RFC1: variants seen among roughly 807,000 people sequenced by gnomAD.
The protein encoded by RFC1 is replication factor C subunit 1.
In RFC1, 37 loss-of-function variants were observed where a neutral mutation model predicts 137.4. The observed-to-expected ratio is 0.27, with a 90% CI of 0.21 to 0.35. The LOEUF is 0.35. Ranked by LOEUF, RFC1 falls within the 10% of genes least tolerant of loss-of-function variation. The pLI is 1.00. For missense variants in RFC1, 1,205 were observed against 1,358.5 expected (o/e 0.89, Z 1.78); for synonymous variants, 429 against 455.7 (o/e 0.94, Z 0.75).
chr4:39,359,694 C>A (rs558642286), intron 1 of RFC1, among the ~76,000 whole-genome samples: 147 of 151,926 alleles, frequency 9.7e-4, no homozygotes, highest in African/African-American at 3.4e-3. Context: ...TGGTGGCGGG[C>A]GCCTGTAGTC....
chr4:39,299,444 G>A (rs540607907), intron 21 of RFC1, among the ~76,000 whole-genome samples: 7 of 151,556 alleles, frequency 4.6e-5, no homozygotes, highest in African/African-American at 7.3e-5. Context: ...AAACCCTGTC[G>A]CTACTAAAAA....
intron 24 of RFC1, 71 bp downstream of exon 24, chr4:39,289,777 G>C: frequency 9.9e-7 from 1 of 1,005,358 alleles, no homozygotes; most frequent in Admixed American, 1.7e-5. Flanking sequence ...TGCTGAAAAG[G>C]CCCTATTATT....
At chr4:39,322,085 A>T (rs1739546926) in intron 7 of RFC1, among the ~76,000 whole-genome samples, 5 of 152,154 alleles carry the variant, frequency 3.3e-5, no homozygotes, top group Admixed American at 3.3e-4. Context: ...AAATAAAGCT[A>T]ATCTCCTGGA....
chr4:39,290,373 A>T (rs1737604260), intron 23 of RFC1, among the ~76,000 whole-genome samples: 1 of 38,522 alleles, frequency 2.6e-5, no homozygotes, highest in Admixed American at 1.8e-4. Context: ...ATTCTGTCTA[A>T]AAAAAAAAAA....
intron 1 of RFC1, among the ~76,000 whole-genome samples, chr4:39,357,001 T>G (rs1210575462): frequency 1.3e-5 from 2 of 152,330 alleles, no homozygotes; most frequent in Non-Finnish European, 1.5e-5. Context: ...CAAGAAATAT[T>G]TACTCAGAGC....
In RFC1 at chr4:39,291,907, A is replaced by G. The variant is rs945979744; in HGVS notation, c.2955-55T>C. 1.0e-4 allele frequency: 128 copies of G among 1,222,202 alleles called. 1 individual carries two copies. Among genetic ancestry groups the G allele is most frequent in the Non-Finnish European group, 1.4e-4 (118 of 824,050 alleles). 75.7% of individuals were successfully genotyped at this position (1,222,202 alleles called of 1,614,324 possible). On this transcript the variant is annotated intron_variant, in intron 22 of 24. Transcript: ENST00000349703. ...ACAGCAAAGTATCAACTCAAGTCATACTGTGCATAACAGCACTGAGTTAAT... is the reference window on the plus strand; with the variant it reads ...ACAGCAAAGTATCAACTCAAGTCATGCTGTGCATAACAGCACTGAGTTAAT...
intron 14 of RFC1, among the ~76,000 whole-genome samples, chr4:39,305,563 G>A (rs771790548): frequency 1.4e-4 from 21 of 152,164 alleles, no homozygotes; most frequent in Admixed American, 2.0e-4. Context: ...AACCGAGACC[G>A]TGCCATTACA....
chr4:39,321,209 G>A, intron 8 of RFC1, 78 bp downstream of exon 8: 1 of 1,078,432 alleles, frequency 9.3e-7, no homozygotes, highest in African/African-American at 1.6e-5. Context: ...TTACTGAATA[G>A]GATACTTAAA....
chr4:39,301,523 G>A (rs1738360876), intron 19 of RFC1, among the ~76,000 whole-genome samples: 1 of 152,194 alleles, frequency 6.6e-6, no homozygotes, highest in African/African-American at 2.4e-5. Flanking sequence ...GAGGCTGTGC[G>A]TGTGAGGGGG....
chr4:39,308,883 T>C lies in RFC1; in HGVS notation c.1638A>G (p.Thr546=). 6.2e-7 allele frequency: 1 copy of C among 1,614,210 alleles called. No individual in the cohort carries two copies. Residue 546 remains threonine, a synonymous_variant, in exon 13 of 25, where the codon ACA becomes ACG. Coordinates refer to ENST00000349703, the MANE Select transcript of RFC1 (RefSeq NM_002913.5). ...AATCCAGGCTTTTCCAAAACACATC[T>C]GTTTCCTTTTTTATTGTCTTTGCCA... ...DSLAKTIKKE[T]DVFWKSLDFK...
chr4:39,351,165 G>A (rs1741170182), intron 2 of RFC1, among the ~76,000 whole-genome samples, 183 bp downstream of exon 2: 1 of 146,880 alleles, frequency 6.8e-6, no homozygotes, highest in Non-Finnish European at 1.5e-5. Flanking sequence ...GCAGGAGAAT[G>A]GCATGAACCC....
intron 1 of RFC1, chr4:39,356,020 A>C: frequency 6.7e-6 from 1 of 149,200 alleles, no homozygotes; most frequent in Non-Finnish European, 1.5e-5. Context: ...AAAAAAAAAC[A>C]CTGGTATAAC....
Position 39,302,835 on chromosome 4 carries a change from T to C in RFC1, c.2242A>G (p.Ile748Val), listed in dbSNP as rs1237165224. 2 of 1,591,836 alleles carry C rather than the reference T, an allele frequency of 1.3e-6. No homozygotes were observed. The highest frequency in any genetic ancestry group is 2.2e-5 in the East Asian group (1 of 44,766). ...TGATTTCTATCATTGCACATACAAATAATGGGAATTTTAGTATGTTTTATC... is the reference window on the plus strand; with the variant it reads ...TGATTTCTATCATTGCACATACAAACAATGGGAATTTTAGTATGTTTTATC... ...GLIKHTKIPI[I>V]CMCNDRNHPK... Residue 748 changes from isoleucine to valine, a missense_variant, in exon 17 of 25, where the codon ATT (isoleucine) becomes GTT (valine). Coordinates refer to ENST00000349703, the MANE Select transcript of RFC1 (RefSeq NM_002913.5).
intron 10 of RFC1, among the ~76,000 whole-genome samples, chr4:39,314,941 G>A (rs1049735257): frequency 1.3e-5 from 2 of 151,746 alleles, no homozygotes; most frequent in East Asian, 1.9e-4. Context: ...TTAGCAAAAC[G>A]CATGCTTTAA....
chr4:39,301,789 T>C (rs1251203371), intron 19 of RFC1, among the ~76,000 whole-genome samples: 1 of 152,156 alleles, frequency 6.6e-6, no homozygotes, highest in African/African-American at 2.4e-5. Context: ...CTACCAAAAA[T>C]TTTGAAAATT....
chr4:39,364,912 A>C (rs1190544101), intron 1 of RFC1, among the ~76,000 whole-genome samples: 1 of 152,118 alleles, frequency 6.6e-6, no homozygotes, highest in Admixed American at 6.5e-5. Flanking sequence ...ATAAACCATT[A>C]AACTAAAATA....
chr4:39,363,769 G>A (rs1197296155), intron 1 of RFC1, among the ~76,000 whole-genome samples: 1 of 151,920 alleles, frequency 6.6e-6, no homozygotes, highest in Non-Finnish European at 1.5e-5. Flanking sequence ...GCACACACCT[G>A]TATTCCCAGC....
At position 39,311,524 on chromosome 4, in the gene RFC1, A is replaced by G. The variant is rs1738960956; in HGVS notation, c.1409T>C (p.Ile470Thr). 3.1e-6 allele frequency: 5 copies of G among 1,614,110 alleles called. No homozygotes were observed. Among genetic ancestry groups the G allele is most frequent in the South Asian group, 2.2e-5 (2 of 91,078 alleles). ...CAGATTCAACAGGCCATCTTCATCA[A>G]TAATTTTTGTCCCCAAGGCTGCGGC... ...DKAAALGTKIIDEDGLLNLIR... is the reference protein window; with the variant it reads ...DKAAALGTKITDEDGLLNLIR... Residue 470 changes from isoleucine (I) to threonine (T), a missense_variant, in exon 12 of 25, where the codon ATT becomes ACT. This residue lies in a region of RFC1 where 962 missense variants were observed against 1,035.3 expected (regional missense o/e 0.93). Transcript: ENST00000349703.
chr4:39,342,344 C>G lies in RFC1; in HGVS notation c.331+1G>C. ...TCTCATATACCACAATGCAACCTTA[C>G]CTGTTTCTGAAATGTATGTAACAGG... On this transcript the variant is annotated splice_donor_variant, in intron 4 of 24. Coordinates refer to ENST00000349703, the MANE Select transcript of RFC1 (RefSeq NM_002913.5). LOFTEE classifies it high-confidence loss of function. The G allele has an allele frequency of 6.2e-7, 1 of 1,611,636 alleles. No homozygotes were observed.
Sources: gnomAD v4.1 joint callset for allele counts (sites outside exome capture counted in the v4.1 genomes callset) on GRCh38, gnomAD v4.1.1 for gene constraint, gnomAD v4.1.1 regional missense constraint, MANE v1.5 for transcripts, NCBI Gene and HGNC (gene_info 2026-07-23, HGNC 2026-07-21) for gene names.